Variants in KIF21B observed in about 807,000 individuals in gnomAD.
KIF21B encodes kinesin family member 21B, also known as kinesin-like protein KIF21B.
A neutral mutation model predicts 192.9 loss-of-function variants in KIF21B; 85 were observed. The ratio of observed to expected loss-of-function variants is 0.44; its 90% confidence interval spans 0.37 to 0.53. KIF21B has a LOEUF of 0.53. Among genes scored for constraint, KIF21B ranks in the 20% least tolerant of loss-of-function variants. The pLI, the probability that KIF21B is intolerant of heterozygous loss-of-function variation, is 0.00. For synonymous variants in KIF21B, 832 were observed against 884.6 expected (o/e 0.94, Z 1.05); for missense variants, 1,716 against 2,194.8 (o/e 0.78, Z 4.36).
At chr1:201,004,525 C>T (rs1433017653) in intron 6 of KIF21B, 70 bp from the exon 7 acceptor site, 2 of 1,357,216 alleles carry the variant, frequency 1.5e-6, no homozygotes, top group African/African-American at 1.4e-5. Context: ...CAAGAAAATC[C>T]CCAACCCATC....
At chr1:201,002,500 C>T (rs1657560268) in intron 8 of KIF21B, 150 bp from the exon 9 acceptor site, 3 of 658,310 alleles carry the variant, frequency 4.6e-6, no homozygotes, top group Admixed American at 2.8e-5. Context: ...TTTCCTAAAA[C>T]ACAGCTACTG....
At chr1:201,014,087 C>A (rs1051166861) in intron 1 of KIF21B, among the ~76,000 whole-genome samples, 1 of 152,212 alleles carries the variant, frequency 6.6e-6, no homozygotes, top group African/African-American at 2.4e-5. Context: ...GTAGAGCGGG[C>A]GCGAGAGCGA....
intron 29 of KIF21B, 110 bp downstream of exon 29, chr1:200,980,850 C>T (rs1655862363): frequency 1.5e-6 from 2 of 1,374,056 alleles, no homozygotes; most frequent in African/African-American, 1.5e-5. Context: ...CCCATATCCT[C>T]AACTCCTGGG....
chr1:201,000,248 A>G lies in KIF21B; in HGVS notation c.1685+142T>C. The G allele has an allele frequency of 1.1e-6, 1 of 899,986 alleles. No homozygotes were observed. Among genetic ancestry groups the G allele is most frequent in the South Asian group, 1.6e-5 (1 of 61,514 alleles). The allele number at this position is 899,986 out of a possible 1,614,324, so 55.8% of individuals were successfully genotyped here. On this transcript the variant is annotated intron_variant, in intron 11 of 34. Coordinates refer to ENST00000461742, the MANE Select transcript of KIF21B (RefSeq NM_001252102.2). The surrounding 1 kb of genome is among the most constrained non-coding windows in gnomAD (Gnocchi z 6.0). ...AGCAAATCTGCGCCATGAATTCCCA[A>G]GCAATACTGAGGCAGCCCCTGGGGC...
chr1:200,979,685 G>A lies in KIF21B; in HGVS notation c.4010C>T (p.Thr1337Met), dbSNP rs148995617. Residue 1337 changes from threonine (T) to methionine (M), a missense_variant, in exon 30 of 35, where the codon ACG (threonine) becomes ATG (methionine). Physicochemically the swap from Thr to Met is moderately conservative, Grantham distance 81 (BLOSUM62 -1). Transcript: ENST00000461742. ...CTTTAGAGCTGCGATCTCCTGTCCC[G>A]TAACCAAGTTCCACATCTTGCAGCT... ...DRSCKMWNLV[T>M]GQEIAALKGH... 5.2e-5 allele frequency: 80 copies of A among 1,551,226 alleles called. No individual in the cohort carries two copies. Among genetic ancestry groups the A allele is most frequent in the Middle Eastern group, 1.7e-4 (1 of 5,898 alleles).
At chr1:200,981,913 G>A (rs1165865840) in intron 28 of KIF21B, among the ~76,000 whole-genome samples, 1 of 152,152 alleles carries the variant, frequency 6.6e-6, no homozygotes, top group East Asian at 1.9e-4. Flanking sequence ...TTTTTTCTCA[G>A]TGAGGGTCTT....
intron 1 of KIF21B, among the ~76,000 whole-genome samples, chr1:201,012,027 G>C (rs930604873): frequency 5.9e-5 from 9 of 152,224 alleles, no homozygotes; most frequent in Non-Finnish European, 1.0e-4. Flanking sequence ...GATCAAGACA[G>C]TGGGCAGAAC....
Position 200,999,476 on chromosome 1 carries a change from A to G in KIF21B, c.1768-10T>C. 1 of 1,612,814 alleles carries G rather than the reference A, an allele frequency of 6.2e-7. No individual in the cohort carries two copies. Among genetic ancestry groups the G allele is most frequent in the Non-Finnish European group, 8.5e-7 (1 of 1,179,304 alleles). On this transcript the variant is annotated splice_polypyrimidine_tract_variant and intron_variant, in intron 12 of 34. Transcript: ENST00000461742. The surrounding 1 kb of genome is among the most constrained non-coding windows in gnomAD (Gnocchi z 4.7). ...CTCGCTCTTCCTCCTCCTGGGCACC[A>G]GGCACCATTGGGGTGGGCCTGGCCT...
chr1:201,004,259 T>C, intron 7 of KIF21B, 81 bp downstream of exon 7: 1 of 1,195,534 alleles, frequency 8.4e-7, no homozygotes, highest in Admixed American at 2.0e-5. Flanking sequence ...GGGGCAGGCT[T>C]GCGCCATACC....
intron 27 of KIF21B, 152 bp downstream of exon 27, chr1:200,984,707 G>A: frequency 1.8e-6 from 1 of 541,312 alleles, no homozygotes; most frequent in East Asian, 3.4e-5. Context: ...AGAAATGCCA[G>A]GAGAGGGCAT....
At chr1:200,994,599 G>A (rs929814866) in intron 15 of KIF21B, among the ~76,000 whole-genome samples, 19 of 152,348 alleles carry the variant, frequency 1.2e-4, no homozygotes, top group Non-Finnish European at 2.2e-4. Context: ...GATGCATCTT[G>A]GCGTTACATT....
Position 200,973,234 on chromosome 1 carries a change from A to C in KIF21B, c.*287T>G. The C allele has an allele frequency of 5.7e-5, 20 of 353,372 alleles. No homozygotes were observed. The highest frequency in any genetic ancestry group is 7.5e-4 in the Middle Eastern group (1 of 1,338). The allele number at this position is 353,372 out of a possible 1,614,324, so 21.9% of individuals were successfully genotyped here. ...GGCAGAGCCGGTTCAGCAGGAGACA[A>C]TGTGGCCACGACTGCCAGGAGGGGA... On this transcript the variant is annotated 3_prime_UTR_variant, in exon 35 of 35. Transcript: ENST00000461742.
At chr1:200,985,060 G>C in intron 26 of KIF21B, 88 bp from the exon 27 acceptor site, 1 of 829,760 alleles carries the variant, frequency 1.2e-6, no homozygotes. Flanking sequence ...CTTCTGCCTT[G>C]TGAGGCCCGC....
chr1:201,011,884 G>C (rs1453605931), intron 1 of KIF21B, among the ~76,000 whole-genome samples: 2 of 152,204 alleles, frequency 1.3e-5, no homozygotes, highest in African/African-American at 2.4e-5. Flanking sequence ...GGAGAAAATC[G>C]AATCATCATC....
At chr1:201,003,386 G>C (rs1450450491) in intron 8 of KIF21B, 200 bp downstream of exon 8, 4 of 617,830 alleles carry the variant, frequency 6.5e-6, no homozygotes, top group Non-Finnish European at 1.2e-5. Flanking sequence ...GACTATGCTT[G>C]ATTCACATGG....
rs1233599767 is a variant in KIF21B at position 200,988,855 on chromosome 1, G to A, written c.3209C>T (p.Ser1070Phe). Residue 1070 changes from serine (S) to phenylalanine (F), a missense_variant, in exon 22 of 35, where the codon TCC (serine) becomes TTC (phenylalanine). Transcript: ENST00000461742. ...GTCCAGGAGCAGATGGTTCTGGGAGGAGCCTGCCATATCCGTCTGCCTCAG... is the reference window on the plus strand; with the variant it reads ...GTCCAGGAGCAGATGGTTCTGGGAGAAGCCTGCCATATCCGTCTGCCTCAG... ...GRLRQTDMAG[S>F]SQNHLLLDAL... The A allele has an allele frequency of 1.2e-6, 2 of 1,612,292 alleles. No individual in the cohort carries two copies. The highest frequency in any genetic ancestry group is 1.3e-5 in the African/African-American group (1 of 74,870).
intron 27 of KIF21B, among the ~76,000 whole-genome samples, chr1:200,983,464 C>A (rs917336068): frequency 1.3e-5 from 2 of 152,292 alleles, no homozygotes; most frequent in African/African-American, 4.8e-5. Flanking sequence ...TGCCCCACCC[C>A]AGCAATGCTC....
chr1:200,990,502 G>T lies in KIF21B; in HGVS notation c.2835+74C>A. ...GAAGTGGGGCAGGGAAAGGTCTGAA[G>T]AGCCAGAGAAGTTGGAGGTGTCAGA... On this transcript the variant is annotated intron_variant, in intron 19 of 34. Coordinates refer to ENST00000461742, the MANE Select transcript of KIF21B (RefSeq NM_001252102.2). The surrounding 1 kb of genome is among the most constrained non-coding windows in gnomAD (Gnocchi z 5.4). 1.9e-6 allele frequency: 3 copies of T among 1,561,984 alleles called. No individual in the cohort carries two copies. Among genetic ancestry groups the T allele is most frequent in the Non-Finnish European group, 2.6e-6 (3 of 1,144,976 alleles).
intron 29 of KIF21B, 45 bp from the exon 30 acceptor site, chr1:200,979,760 C>T: frequency 2.1e-6 from 3 of 1,460,144 alleles, no homozygotes; most frequent in Non-Finnish European, 2.7e-6. Context: ...GGGATGTCAG[C>T]CACTAGGGGG....
Sources: gnomAD v4.1 joint callset for allele counts (sites outside exome capture counted in the v4.1 genomes callset) on GRCh38, gnomAD v4.1.1 for gene constraint, Gnocchi (gnomAD v3.1) non-coding constraint, MANE v1.5 for transcripts, NCBI Gene and HGNC (gene_info 2026-07-23, HGNC 2026-07-21) for gene names.